Variants in CLASP1 observed in about 807,000 individuals in gnomAD.
The protein encoded by CLASP1 is cytoplasmic linker associated protein 1.
A neutral mutation model predicts 192.3 loss-of-function variants in CLASP1; 38 were observed. The ratio of observed to expected loss-of-function variants is 0.20; its 90% CI spans 0.15 to 0.26. The LOEUF (loss-of-function observed/expected upper bound fraction) is 0.26. Ranked by LOEUF, CLASP1 falls within the 10% of genes least tolerant of loss-of-function variation. CLASP1 has a pLI of 1.00. For synonymous variants in CLASP1, 691 were observed against 712.8 expected (o/e 0.97, Z 0.49); for missense variants, 1,433 against 1,932.5 (o/e 0.74, Z 4.85).
At chr2:121,593,566 C>T (rs1187626682) in intron 2 of CLASP1, among the ~76,000 whole-genome samples, 6 of 141,710 alleles carry the variant, frequency 4.2e-5, no homozygotes, top group African/African-American at 1.7e-4. Flanking sequence ...TTGCAGGGAG[C>T]TGAGATCGTG....
chr2:121,356,945 C>A (rs2065505293), intron 37 of CLASP1, among the ~76,000 whole-genome samples: 1 of 139,548 alleles, frequency 7.2e-6, no homozygotes, highest in East Asian at 2.0e-4. Context: ...GTCCTGCTGT[C>A]CTGGAGATGC....
intron 2 of CLASP1, among the ~76,000 whole-genome samples, chr2:121,552,364 T>C (rs1198146945): frequency 1.3e-5 from 2 of 152,144 alleles, no homozygotes; most frequent in African/African-American, 4.8e-5. Flanking sequence ...ACTTAAGAGC[T>C]TCTGCACAGC....
At chr2:121,457,823 A>G in intron 13 of CLASP1, 66 bp from the exon 14 acceptor site, 1 of 1,148,558 alleles carries the variant, frequency 8.7e-7, no homozygotes, top group Non-Finnish European at 1.3e-6. Context: ...AAATTAAGAG[A>G]ATCACTTCCT....
At chr2:121,641,625 T>C (rs1162916448) in intron 1 of CLASP1, among the ~76,000 whole-genome samples, 2 of 152,212 alleles carry the variant, frequency 1.3e-5, no homozygotes, top group African/African-American at 4.8e-5. Context: ...GTGAGTTTCA[T>C]ACAGTTTCAT....
chr2:121,394,372 C>G (rs2074922282), intron 30 of CLASP1, among the ~76,000 whole-genome samples: 1 of 152,128 alleles, frequency 6.6e-6, no homozygotes, highest in African/African-American at 2.4e-5. Flanking sequence ...AAGAGTTTTG[C>G]CAAACAGTGA....
At chr2:121,638,260 A>G (rs1242923812) in intron 1 of CLASP1, among the ~76,000 whole-genome samples, 2 of 152,122 alleles carry the variant, frequency 1.3e-5, no homozygotes, top group African/African-American at 2.4e-5. Context: ...CCAAATTAAG[A>G]TACTACTTAT....
chr2:121,511,591 A>G (rs1421998394), intron 7 of CLASP1, among the ~76,000 whole-genome samples: 1 of 151,440 alleles, frequency 6.6e-6, no homozygotes, highest in Non-Finnish European at 1.5e-5. Flanking sequence ...TCCATCTCAA[A>G]AAAAAAAAAA....
chr2:121,599,373 CAGTCAGG>C (rs2063522973), intron 2 of CLASP1, among the ~76,000 whole-genome samples: 1 of 147,078 alleles, frequency 6.8e-6, no homozygotes, highest in Non-Finnish European at 1.5e-5. Context: ...GTGGATCAGG[CAGTCAGG>C]AGTTCAAGAC....
chr2:121,576,590 GCT>G (rs1219606182), intron 2 of CLASP1, among the ~76,000 whole-genome samples: 2 of 152,158 alleles, frequency 1.3e-5, no homozygotes, highest in East Asian at 3.8e-4. Context: ...TTTCAGATTA[GCT>G]CTGTGCCCTC....
At chr2:121,485,940 G>A (rs1038036194) in intron 8 of CLASP1, among the ~76,000 whole-genome samples, 4 of 152,124 alleles carry the variant, frequency 2.6e-5, no homozygotes, top group Non-Finnish European at 2.9e-5. Context: ...TTAGGAAAGC[G>A]AATTCCTAGA....
At chr2:121,608,249 G>A (rs1038167152) in intron 1 of CLASP1, among the ~76,000 whole-genome samples, 5 of 152,118 alleles carry the variant, frequency 3.3e-5, no homozygotes, top group Non-Finnish European at 7.4e-5. Context: ...TCTCTTTCTG[G>A]ACCTACTATT....
chr2:121,537,446 G>A (rs939770472), intron 2 of CLASP1, among the ~76,000 whole-genome samples: 4 of 151,404 alleles, frequency 2.6e-5, no homozygotes, highest in Non-Finnish European at 5.9e-5. Flanking sequence ...AAGAGATAAT[G>A]GCTGAAAATG....
chr2:121,458,932 C>T (rs1265888562), exon 13 of CLASP1: 2 of 1,612,684 alleles, frequency 1.2e-6, no homozygotes, highest in Admixed American at 3.3e-5. Context: ...ATAATGGCTT[C>T]AGCTCCATGG....
chr2:121,554,861 T>G (rs943215233), intron 2 of CLASP1, among the ~76,000 whole-genome samples: 19 of 152,186 alleles, frequency 1.2e-4, no homozygotes, highest in Admixed American at 2.0e-4. Flanking sequence ...CAGGTAAATT[T>G]TATGGTATAT....
At chr2:121,348,431 G>A in intron 38 of CLASP1, 81 bp downstream of exon 39, 1 of 1,274,502 alleles carries the variant, frequency 7.8e-7, no homozygotes. Flanking sequence ...CAGTGAAGGA[G>A]GAGCACAAAG....
At position 121,418,738 on chromosome 2, in the gene CLASP1, C is replaced by A. The variant is rs1390253963; in HGVS notation, c.2213-9G>T. 3 of 1,591,398 alleles carry A rather than the reference C, an allele frequency of 1.9e-6. No individual in the cohort carries two copies. Among genetic ancestry groups the A allele is most frequent in the Non-Finnish European group, 2.6e-6 (3 of 1,160,214 alleles). On this transcript the variant is annotated splice_polypyrimidine_tract_variant and intron_variant, in intron 22 of 39. Transcript: ENST00000263710. Reference sequence around the variant, plus strand: ...GATACGGCTGCTCCGTGCTAGCGTGCAGCATGAAGGGTTTCAGAGAAGGTG... The same window carrying A: ...GATACGGCTGCTCCGTGCTAGCGTGAAGCATGAAGGGTTTCAGAGAAGGTG...
At chr2:121,524,907 C>G (rs2094539312) in intron 6 of CLASP1, among the ~76,000 whole-genome samples, 1 of 152,070 alleles carries the variant, frequency 6.6e-6, no homozygotes, top group African/African-American at 2.4e-5. Context: ...ACGCCTGCTG[C>G]TGGAACTAAG....
intron 1 of CLASP1, among the ~76,000 whole-genome samples, chr2:121,647,092 G>A (rs1315398135): frequency 6.6e-6 from 1 of 150,822 alleles, no homozygotes; most frequent in East Asian, 1.9e-4. Flanking sequence ...CATGGGCCGA[G>A]CGCGATTGCT....
At chr2:121,474,513 G>C (rs1239601997) in intron 8 of CLASP1, among the ~76,000 whole-genome samples, 2 of 152,196 alleles carry the variant, frequency 1.3e-5, no homozygotes, top group Non-Finnish European at 2.9e-5. Flanking sequence ...GAGGCAGGCA[G>C]ATCACGAGGT....
Sources: gnomAD v4.1 joint callset for allele counts (sites outside exome capture counted in the v4.1 genomes callset) on GRCh38, gnomAD v4.1.1 for gene constraint, MANE v1.5 for transcripts, NCBI Gene and HGNC (gene_info 2026-07-23, HGNC 2026-07-21) for gene names.